Variants in FAM162A observed in about 807,000 individuals in gnomAD.
FAM162A encodes family with sequence similarity 162 member A, also known as protein FAM162A.
Under a neutral mutation model 21.8 loss-of-function variants are expected in FAM162A, and 23 were observed. That is an observed-to-expected ratio of 1.05 (90% confidence interval 0.76 to 1.49). The LOEUF (loss-of-function observed/expected upper bound fraction) is 1.49. Ranked by LOEUF, FAM162A falls within the 40% of genes most tolerant of loss-of-function variation. FAM162A has a pLI of 0.00. For missense variants in FAM162A, 165 were observed against 186.4 expected, an observed-to-expected ratio of 0.89 and a Z score of 0.67; for synonymous variants, 53 against 61.3, an observed-to-expected ratio of 0.86 and a Z score of 0.64.
intron 1 of FAM162A, among the ~76,000 whole-genome samples, chr3:122,400,573 C>G (rs2075648210): frequency 6.6e-6 from 1 of 152,032 alleles, no homozygotes; most frequent in South Asian, 2.1e-4. Flanking sequence ...ACCTGTAATC[C>G]CAGCACTTTG....
At chr3:122,386,555 C>T (rs1374702808) in intron 1 of FAM162A, among the ~76,000 whole-genome samples, 2 of 109,404 alleles carry the variant, frequency 1.8e-5, no homozygotes, top group African/African-American at 7.7e-5. Context: ...GAGACCCTGT[C>T]TAAAAAAAAA....
In FAM162A at chr3:122,412,320, T is replaced by TA. The variant is rs1260179385; in HGVS notation, c.*2491dup. The TA allele has an allele frequency of 2.0e-5, 3 of 152,262 alleles. No individual in the cohort carries two copies. Among genetic ancestry groups the TA allele is most frequent in the Non-Finnish European group, 4.4e-5 (3 of 68,046 alleles). The allele number at this position is 152,262 out of a possible 1,614,324, so 9.4% of individuals were successfully genotyped here. A position where few individuals can be genotyped will look rare whatever the true frequency, so the allele number is the denominator to read the frequency against. ...TAAGTGCTGTTTGTTTGAATAAAGTTAATGTGTGAGGTTACGGTTACTTTT... is the reference window on the plus strand; with the variant it reads ...TAAGTGCTGTTTGTTTGAATAAAGTTAAATGTGTGAGGTTACGGTTACTTTT... On this transcript the variant is annotated 3_prime_UTR_variant, in exon 5 of 5. Coordinates refer to ENST00000477892, the MANE Select transcript of FAM162A (RefSeq NM_014367.4).
chr3:122,409,424 T>C (rs1264654760), intron 4 of FAM162A, among the ~76,000 whole-genome samples: 3 of 151,636 alleles, frequency 2.0e-5, no homozygotes, highest in African/African-American at 7.3e-5. Flanking sequence ...AGGTATTTAG[T>C]ATAAAAGAGA....
At chr3:122,389,418 G>C (rs569244561) in intron 1 of FAM162A, among the ~76,000 whole-genome samples, 1 of 151,958 alleles carries the variant, frequency 6.6e-6, no homozygotes, top group African/African-American at 2.4e-5. Flanking sequence ...TAGATAGATA[G>C]ATAGATAGAT....
Position 122,404,323 on chromosome 3 carries a change from G to A in FAM162A, c.223G>A (p.Gly75Ser), listed in dbSNP as rs1415957411. The change falls in exon 3 of 5, where the codon GGT (glycine) becomes AGT (serine). Residue 75 changes from glycine to serine, a missense_variant. Coordinates refer to ENST00000477892, the MANE Select transcript of FAM162A (RefSeq NM_014367.4). The part of the protein sequence containing the change: ...DWQKKILIWS[G>S]RFKKEDEIPE... The stretch of plus-strand genomic sequence containing the variant: ...GCAGAAAAAGATCCTCATATGGTCA[G>A]GTCGCTTCAAAAAGGAAGATGAAAT... 8 of 1,607,688 alleles carry A rather than the reference G, an allele frequency of 5.0e-6. No homozygotes were observed. Among genetic ancestry groups the A allele is most frequent in the Non-Finnish European group, 5.9e-6 (7 of 1,177,070 alleles).
At chr3:122,392,851 TG>T (rs1339212210) in intron 1 of FAM162A, among the ~76,000 whole-genome samples, 1 of 152,094 alleles carries the variant, frequency 6.6e-6, no homozygotes, top group African/African-American at 2.4e-5. Context: ...GGGGTAAAAT[TG>T]AAAAGTGTTC....
chr3:122,403,808 T>A (rs1245848547), intron 2 of FAM162A, among the ~76,000 whole-genome samples: 2 of 152,198 alleles, frequency 1.3e-5, no homozygotes, highest in Admixed American at 1.3e-4. Flanking sequence ...TCAGAGAATA[T>A]CCGCTCACCA....
chr3:122,389,048 CA>C (rs375756653), intron 1 of FAM162A, among the ~76,000 whole-genome samples: 3,804 of 125,864 alleles, frequency 0.03, 137 homozygotes, highest in African/African-American at 0.1. Flanking sequence ...GACTCCGTCT[CA>C]AAAAAAAAAA....
chr3:122,387,153 G>A lies in FAM162A; in HGVS notation c.34+2854G>A, dbSNP rs139321880. On this transcript the variant is annotated intron_variant, in intron 1 of 4. Transcript: ENST00000477892. ...ATCTTGGAACATGCTGCAAATGTAAGGTGAGTTTTCACACCTGTTTTCTCC... is the reference window on the plus strand; with the variant it reads ...ATCTTGGAACATGCTGCAAATGTAAAGTGAGTTTTCACACCTGTTTTCTCC... 2.3e-3 allele frequency among the ~76,000 whole-genome samples: 354 copies of A among 152,270 alleles called. 2 individuals are homozygous for A. Among genetic ancestry groups the A allele is most frequent in the African/African-American group, 8.3e-3 (343 of 41,556 alleles).
intron 3 of FAM162A, among the ~76,000 whole-genome samples, chr3:122,406,708 A>G (rs2075677641): frequency 6.6e-6 from 1 of 152,232 alleles, no homozygotes; most frequent in South Asian, 2.1e-4. Flanking sequence ...ATATTCTCAA[A>G]TCTATTCTGG....
At chr3:122,394,063 G>T (rs922345788) in intron 1 of FAM162A, among the ~76,000 whole-genome samples, 1 of 152,158 alleles carries the variant, frequency 6.6e-6, no homozygotes, top group Admixed American at 6.5e-5. Flanking sequence ...ATGGTGGAAG[G>T]CGAAGGGGGA....
In FAM162A at chr3:122,398,346, G is replaced by T. The variant is rs189000968; in HGVS notation, c.35-4414G>T. On this transcript the variant is annotated intron_variant, in intron 1 of 4. Transcript: ENST00000477892. Reference sequence around the variant, plus strand: ...AGGTTGATGGGGAACTTTCTAAAAGGTGAATCAGACTGATAGCATGTACTG... The same window carrying T: ...AGGTTGATGGGGAACTTTCTAAAAGTTGAATCAGACTGATAGCATGTACTG... Among the ~76,000 whole-genome samples the T allele has an allele frequency of 2.0e-5, 3 of 152,212 alleles. No individual in the cohort carries two copies. The East Asian group carries it at 5.8e-4, about 29-fold the overall frequency.
rs995155816 is a variant in FAM162A, at chr3:122,410,907, G to A, written c.*1076G>A. 1.3e-5 allele frequency: 2 copies of A among 152,168 alleles called. No homozygotes were observed. Among genetic ancestry groups the A allele is most frequent in the African/African-American group, 2.4e-5 (1 of 41,434 alleles). 9.4% of individuals were successfully genotyped at this position (152,168 alleles called of 1,614,324 possible). ...TGTATGTGCTAGCCGTCTCTGTTAC[G>A]AGATCAGCTGTCGTGGAATCAGTGC... On this transcript the variant is annotated 3_prime_UTR_variant, in exon 5 of 5. Coordinates refer to ENST00000477892, the MANE Select transcript of FAM162A (RefSeq NM_014367.4).
At chr3:122,409,219 T>C (rs113353703) in intron 4 of FAM162A, among the ~76,000 whole-genome samples, 272 of 152,266 alleles carry the variant, frequency 1.8e-3, no homozygotes, top group Non-Finnish European at 3.3e-3. Flanking sequence ...AAGGTTGGAA[T>C]TGTAGTACAG....
Position 122,384,220 on chromosome 3 carries a change from C to T in FAM162A, c.-46C>T, listed in dbSNP as rs904956187. 4.5e-6 allele frequency: 7 copies of T among 1,554,010 alleles called. No individual in the cohort carries two copies. The African/African-American group carries it at 5.5e-5, about 12-fold the overall frequency. On this transcript the variant is annotated 5_prime_UTR_variant, in exon 1 of 5. Coordinates refer to ENST00000477892, the MANE Select transcript of FAM162A (RefSeq NM_014367.4). ...GTGACATTGAGCTCACCAGCGCCAC[C>T]GTCCCCGGCGAAGTTCTGCGCTGGT...
In FAM162A at chr3:122,410,146, T is replaced by G. The variant is rs2075698048; in HGVS notation, c.*315T>G. The G allele has an allele frequency of 2.7e-6, 1 of 368,764 alleles. No homozygotes were observed. Among genetic ancestry groups the G allele is most frequent in the Non-Finnish European group, 5.2e-6 (1 of 191,644 alleles). 22.8% of individuals were successfully genotyped at this position (368,764 alleles called of 1,614,324 possible). A position where few individuals can be genotyped will look rare whatever the true frequency, so the allele number is the denominator to read the frequency against. On this transcript the variant is annotated 3_prime_UTR_variant, in exon 5 of 5. Coordinates refer to ENST00000477892, the MANE Select transcript of FAM162A (RefSeq NM_014367.4). ...TTCTCTTCCCATTATCAAAGTAACCTCTCCACAGGCGAACTCATTTTGAGG... is the reference window on the plus strand; with the variant it reads ...TTCTCTTCCCATTATCAAAGTAACCGCTCCACAGGCGAACTCATTTTGAGG...
At chr3:122,401,847 C>T (rs2075655044) in intron 1 of FAM162A, among the ~76,000 whole-genome samples, 1 of 152,012 alleles carries the variant, frequency 6.6e-6, no homozygotes, top group African/African-American at 2.4e-5. Flanking sequence ...GTTTAAGTTC[C>T]TTATAGAGCT....
chr3:122,384,681 C>G (rs1275025557), intron 1 of FAM162A, among the ~76,000 whole-genome samples: 2 of 152,226 alleles, frequency 1.3e-5, no homozygotes, highest in Admixed American at 6.5e-5. Flanking sequence ...TATTGCTCTC[C>G]TTGAGTCTTC....
At position 122,407,495 on chromosome 3, in the gene FAM162A, T is replaced by C. The variant is rs766853602; in HGVS notation, c.372+106T>C. On this transcript the variant is annotated intron_variant, in intron 4 of 4. Transcript: ENST00000477892. ...TTACCCTCTGAGAAGAGGAGGCTACTTTCTACATTACATGAGAAAAGATAA... is the reference window on the plus strand; with the variant it reads ...TTACCCTCTGAGAAGAGGAGGCTACCTTCTACATTACATGAGAAAAGATAA... 4 of 795,480 alleles carry C rather than the reference T, an allele frequency of 5.0e-6. 1 individual carries two copies. In the South Asian group the frequency reaches 6.8e-5, roughly 14 times the overall value. The allele number at this position is 795,480 out of a possible 1,614,324, so 49.3% of individuals were successfully genotyped here. A position where few individuals can be genotyped will look rare whatever the true frequency, so the allele number is the denominator to read the frequency against.
Sources: allele counts gnomAD v4.1 joint callset (sites outside exome capture counted in the v4.1 genomes callset), GRCh38; gene constraint gnomAD v4.1.1; transcripts MANE v1.5; gene names NCBI Gene and HGNC (gene_info 2026-07-23, HGNC 2026-07-21).